Variants in EHMT1 observed in about 807,000 individuals in gnomAD.
EHMT1 encodes the protein euchromatic histone lysine methyltransferase 1.
In EHMT1, 15 loss-of-function variants were observed where a neutral mutation model predicts 147.2. The ratio of observed to expected loss-of-function variants is 0.10; its 90% CI spans 0.07 to 0.16. The LOEUF (loss-of-function observed/expected upper bound fraction) is 0.16, where lower values mean the gene tolerates loss of function less well. Among genes scored for constraint, EHMT1 ranks in the 10% least tolerant of loss-of-function variants. The pLI is 1.00. For missense variants in EHMT1, 1,587 were observed against 1,772.4 expected (o/e 0.90, Z 1.88); for synonymous variants, 795 against 709.6 (o/e 1.12, Z -1.91).
At chr9:137,698,371 C>T (rs990632863) in intron 1 of EHMT1, among the ~76,000 whole-genome samples, 1 of 152,102 alleles carries the variant, frequency 6.6e-6, no homozygotes, top group East Asian at 1.9e-4. Context: ...ATTGACTGGG[C>T]GGATTGTAAA....
At chr9:137,739,348 T>C (rs1947847467) in intron 4 of EHMT1, among the ~76,000 whole-genome samples, 1 of 143,144 alleles carries the variant, frequency 7.0e-6, no homozygotes, top group African/African-American at 2.7e-5. Context: ...AGAGCCAGAC[T>C]CAGTCTCAAA....
Position 137,815,928 on chromosome 9 carries a change from G to T in EHMT1, c.3259-19G>T. Reference sequence around the variant, plus strand: ...AGTGAGTAACCTCTGCTGGGCCCTTGCTGCTCATCTGTCCACAGGATGGCC... The same window carrying T: ...AGTGAGTAACCTCTGCTGGGCCCTTTCTGCTCATCTGTCCACAGGATGGCC... On this transcript the variant is annotated intron_variant, in intron 22 of 26. Coordinates refer to ENST00000460843, the MANE Select transcript of EHMT1 (RefSeq NM_024757.5). The T allele has an allele frequency of 6.3e-7, 1 of 1,582,842 alleles. No homozygotes were observed. The highest frequency in any genetic ancestry group is 8.6e-7 in the Non-Finnish European group (1 of 1,162,856).
chr9:137,624,943 C>T (rs981409943), intron 1 of EHMT1, among the ~76,000 whole-genome samples: 6 of 150,990 alleles, frequency 4.0e-5, no homozygotes, highest in Admixed American at 1.3e-4. Context: ...AGTGCAGTGA[C>T]GCGATTGGGT....
intron 1 of EHMT1, among the ~76,000 whole-genome samples, chr9:137,689,732 T>C (rs1414449949): frequency 1.3e-5 from 2 of 152,140 alleles, no homozygotes; most frequent in African/African-American, 2.4e-5. Flanking sequence ...ACATAACAGA[T>C]GTACACATTT....
chr9:137,654,556 A>C (rs116938910), intron 1 of EHMT1, among the ~76,000 whole-genome samples: 4,409 of 152,100 alleles, frequency 0.029, 97 homozygotes, highest in Non-Finnish European at 0.04. Context: ...GAGTCCTCCA[A>C]GTTTGTTCTT....
chr9:137,817,208 A>G (rs999011911), intron 23 of EHMT1: 1 of 607,416 alleles, frequency 1.6e-6, no homozygotes, highest in South Asian at 1.8e-5. Context: ...GGCCAGGACC[A>G]GTGACTTGCC....
At chr9:137,627,115 C>A (rs956696028) in intron 1 of EHMT1, among the ~76,000 whole-genome samples, 1 of 152,070 alleles carries the variant, frequency 6.6e-6, no homozygotes, top group Non-Finnish European at 1.5e-5. Flanking sequence ...TGCGCCACCA[C>A]GCTCGGCTAA....
At chr9:137,715,491 G>A (rs926874750) in intron 2 of EHMT1, 3 of 959,752 alleles carry the variant, frequency 3.1e-6, no homozygotes, top group Non-Finnish European at 3.7e-6. Context: ...AGATGATCAG[G>A]TCTGTTGTGC....
intron 15 of EHMT1, among the ~76,000 whole-genome samples, chr9:137,790,051 T>C (rs1476355779): frequency 1.3e-5 from 2 of 152,248 alleles, no homozygotes; most frequent in Admixed American, 1.3e-4. Flanking sequence ...TTAGCCGTTA[T>C]GAGTTAGCCT....
chr9:137,724,867 T>TG (rs1477807532), intron 3 of EHMT1, among the ~76,000 whole-genome samples: 1 of 150,034 alleles, frequency 6.7e-6, no homozygotes, highest in African/African-American at 2.5e-5. Context: ...GTGGCATTCG[T>TG]GGGGCAGACG....
chr9:137,757,665 T>C (rs1479493239), intron 8 of EHMT1, among the ~76,000 whole-genome samples: 2 of 152,208 alleles, frequency 1.3e-5, no homozygotes, highest in Non-Finnish European at 2.9e-5. Context: ...ATGAATATTA[T>C]GTCTAAAAGG....
intron 3 of EHMT1, 44 bp from the exon 4 acceptor site, chr9:137,728,305 A>G: frequency 6.2e-7 from 1 of 1,613,464 alleles, no homozygotes; most frequent in South Asian, 1.1e-5. Context: ...TTCAGTGACC[A>G]CCTGCTTATG....
chr9:137,680,047 T>C (rs1341733190), intron 1 of EHMT1, among the ~76,000 whole-genome samples: 7 of 152,174 alleles, frequency 4.6e-5, no homozygotes, highest in African/African-American at 1.7e-4. Context: ...CTCTACGTTG[T>C]ATCTGTATCT....
intron 6 of EHMT1, among the ~76,000 whole-genome samples, chr9:137,750,131 C>G (rs562952464): frequency 5.5e-4 from 84 of 152,356 alleles, no homozygotes; most frequent in African/African-American, 1.9e-3. Context: ...AGCTCCTAAG[C>G]TGACCTTACA....
intron 1 of EHMT1, among the ~76,000 whole-genome samples, chr9:137,683,834 C>G (rs573269529): frequency 1.3e-5 from 2 of 152,028 alleles, no homozygotes; most frequent in African/African-American, 4.8e-5. Flanking sequence ...TTTTCAAAAT[C>G]AAATCCCATT....
At chr9:137,798,643 G>T (rs936901658) in intron 16 of EHMT1, among the ~76,000 whole-genome samples, 170 bp from the exon 17 acceptor site, 10 of 152,182 alleles carry the variant, frequency 6.6e-5, no homozygotes, top group African/African-American at 2.4e-4. Context: ...TGCACACAGC[G>T]CTTGGACCTC....
intron 1 of EHMT1, among the ~76,000 whole-genome samples, chr9:137,670,046 G>C (rs1163141573): frequency 6.6e-6 from 1 of 152,068 alleles, no homozygotes; most frequent in Non-Finnish European, 1.5e-5. Flanking sequence ...TTTTAGTAGA[G>C]ATGAGGTTTC....
At chr9:137,768,235 T>A (rs940597342) in intron 10 of EHMT1, among the ~76,000 whole-genome samples, 1 of 152,156 alleles carries the variant, frequency 6.6e-6, no homozygotes, top group Non-Finnish European at 1.5e-5. Context: ...AGTTGATATA[T>A]TTAGATTATC....
At chr9:137,799,422 C>T (rs999589867) in intron 17 of EHMT1, among the ~76,000 whole-genome samples, 1 of 152,216 alleles carries the variant, frequency 6.6e-6, no homozygotes, top group African/African-American at 2.4e-5. Context: ...GCCCCACAGC[C>T]AGCGCCACGG....
Sources: allele counts gnomAD v4.1 joint callset (sites outside exome capture counted in the v4.1 genomes callset), GRCh38; gene constraint gnomAD v4.1.1; transcripts MANE v1.5; gene names NCBI Gene and HGNC (gene_info 2026-07-23, HGNC 2026-07-21).